CCP110: variants seen among roughly 807,000 people sequenced by gnomAD.
CCP110 encodes the protein centriolar coiled-coil protein 110.
CCP110 carries 43 observed loss-of-function variants against 105.5 expected under a neutral mutation model. The ratio of observed to expected loss-of-function variants is 0.41; its 90% CI spans 0.32 to 0.53. CCP110 has a LOEUF of 0.53. CCP110 is among the 20% of genes least tolerant of loss of function. The pLI is 0.32. For synonymous variants in CCP110, 353 were observed against 392.1 expected (o/e 0.90, Z 1.18); for missense variants, 1,016 against 1,189.1 (o/e 0.85, Z 2.14).
At chr16:19,546,599 C>G in intron 12 of CCP110, 125 bp downstream of exon 12, 1 of 571,612 alleles carries the variant, frequency 1.7e-6, no homozygotes. Flanking sequence ...GATGGATCAC[C>G]TGAGGTCGGG....
chr16:19,545,814 A>G lies in CCP110; in HGVS notation c.2704-3A>G. 1 of 1,573,720 alleles carries G rather than the reference A, an allele frequency of 6.4e-7. No homozygotes were observed. The highest frequency in any genetic ancestry group is 8.7e-7 in the Non-Finnish European group (1 of 1,144,676). On this transcript the variant is annotated splice_region_variant and splice_polypyrimidine_tract_variant and intron_variant, in intron 10 of 14. Coordinates refer to ENST00000381396, the Ensembl canonical transcript of CCP110. ...AGTTTGACGTTACTTTTGTATATTA[A>G]AGGATAAAATGAAAAGTCCACGAGT...
intron 6 of CCP110, 122 bp downstream of exon 6, chr16:19,542,186 G>A: frequency 1.5e-6 from 1 of 646,210 alleles, no homozygotes; most frequent in Non-Finnish European, 2.5e-6. Flanking sequence ...CTCTTTGCCA[G>A]CTGCTTAGTA....
exon 6 of CCP110, chr16:19,541,968 G>A (rs371262129): frequency 6.2e-7 from 1 of 1,611,940 alleles, no homozygotes; most frequent in African/African-American, 1.3e-5. Flanking sequence ...TAACAATGCA[G>A]TGGAATTAGA....
chr16:19,540,192 G>A (rs903913337), intron 4 of CCP110, among the ~76,000 whole-genome samples: 14 of 152,074 alleles, frequency 9.2e-5, no homozygotes, highest in African/African-American at 2.9e-4. Context: ...GAATTTTAAC[G>A]TCCAGTCCTT....
chr16:19,536,080 A>G (rs756733996), exon 4 of CCP110: 1 of 1,614,028 alleles, frequency 6.2e-7, no homozygotes, highest in African/African-American at 1.3e-5. Context: ...CTACTGCAGC[A>G]AAGCTTGATA....
chr16:19,544,731 A>G (rs1338351996), intron 8 of CCP110, 66 bp from the exon 9 acceptor site: 1 of 852,632 alleles, frequency 1.2e-6, no homozygotes, highest in Non-Finnish European at 1.9e-6. Context: ...AAAAAGAAAA[A>G]AGCAAACTCC....
intron 5 of CCP110, 150 bp from the exon 6 acceptor site, chr16:19,541,737 A>AAGG: frequency 6.7e-6 from 3 of 449,848 alleles, no homozygotes; most frequent in Non-Finnish European, 3.9e-6. Context: ...AAGGGAAGGG[A>AAGG]GAAGGAAGGA....
exon 4 of CCP110, chr16:19,537,200 A>G (rs138742987): frequency 6.2e-7 from 1 of 1,614,088 alleles, no homozygotes; most frequent in African/African-American, 1.3e-5. Flanking sequence ...ATATGCCAGC[A>G]GTCAGTGTAT....
chr16:19,537,573 G>A, exon 4 of CCP110: 3 of 1,563,158 alleles, frequency 1.9e-6, no homozygotes, highest in Non-Finnish European at 2.6e-6. Flanking sequence ...AAAATGTTAG[G>A]AACTAGTTCC....
At chr16:19,536,774 C>A (rs770561168) in exon 4 of CCP110, 25 of 1,613,972 alleles carry the variant, frequency 1.5e-5, no homozygotes, top group Non-Finnish European at 1.8e-5. Flanking sequence ...TAGTCCAGAG[C>A]CAAGTATGAG....
chr16:19,537,193 T>C (rs373594620), exon 4 of CCP110: 75 of 1,614,038 alleles, frequency 4.6e-5, no homozygotes, highest in Non-Finnish European at 6.2e-5. Flanking sequence ...ATGAACCATA[T>C]GCCAGCAGTC....
chr16:19,543,039 T>G (rs147203999), intron 8 of CCP110, 45 bp downstream of exon 8: 1 of 1,084,616 alleles, frequency 9.2e-7, no homozygotes, highest in East Asian at 2.4e-5. Context: ...TGTCTTAGTT[T>G]CTATCAGTCT....
chr16:19,532,400 TTATG>T lies in CCP110; in HGVS notation c.142-15_142-12del. The T allele has an allele frequency of 6.4e-7, 1 of 1,565,924 alleles. No homozygotes were observed. The highest frequency in any genetic ancestry group is 8.6e-7 in the Non-Finnish European group (1 of 1,161,126). On this transcript the variant is annotated splice_polypyrimidine_tract_variant and intron_variant, in intron 2 of 14. Coordinates refer to ENST00000381396, the Ensembl canonical transcript of CCP110. ...TTTATCGTGGGAAATAATTACATTT[TTATG>T]ATGTTTTGCAGCTTAACATTGAGAA...
At chr16:19,535,272 CCTAGTTCT>C (rs56965882) in intron 3 of CCP110, among the ~76,000 whole-genome samples, 23,283 of 152,070 alleles carry the variant, frequency 0.15, 1,829 homozygotes, top group Admixed American at 0.2. Context: ...TAGAAACTAT[CCTAGTTCT>C]CTTTTTATTC....
chr16:19,552,084 GTC>G (rs1321527710), exon 15 of CCP110: 2 of 152,108 alleles, frequency 1.3e-5, no homozygotes, highest in African/African-American at 4.8e-5. Flanking sequence ...GTTCTTCATA[GTC>G]TGTTTTTTCT....
chr16:19,548,406 C>T lies in CCP110; in HGVS notation c.2901-109C>T. 1.4e-6 allele frequency: 1 copy of T among 724,070 alleles called. No individual in the cohort carries two copies. The highest frequency in any genetic ancestry group is 2.3e-6 in the Non-Finnish European group (1 of 443,634). 44.9% of individuals were successfully genotyped at this position (724,070 alleles called of 1,614,324 possible). A position where few individuals can be genotyped will look rare whatever the true frequency, so the allele number is the denominator to read the frequency against. On this transcript the variant is annotated intron_variant, in intron 13 of 14. Coordinates refer to ENST00000381396, the Ensembl canonical transcript of CCP110. The surrounding 1 kb of genome is among the most constrained non-coding windows in gnomAD (Gnocchi z 4.1). ...GCATGCATGAGACTTCAGTTCTTTTCAAGCTTATTTGTGCTTTGGACAGTT... is the reference window on the plus strand; with the variant it reads ...GCATGCATGAGACTTCAGTTCTTTTTAAGCTTATTTGTGCTTTGGACAGTT...
chr16:19,542,519 G>T, intron 6 of CCP110, 102 bp from the exon 7 acceptor site: 1 of 832,766 alleles, frequency 1.2e-6, no homozygotes. Context: ...CATTTTTGGA[G>T]GCAGTTGTTA....
intron 4 of CCP110, among the ~76,000 whole-genome samples, chr16:19,539,646 C>T (rs1970208373): frequency 6.6e-6 from 1 of 150,720 alleles, no homozygotes; most frequent in Admixed American, 6.6e-5. Flanking sequence ...GAGCCACCAG[C>T]CCTGGCCCAT....
chr16:19,540,736 A>G (rs1159458539), exon 5 of CCP110: 1 of 1,613,784 alleles, frequency 6.2e-7, no homozygotes, highest in Non-Finnish European at 8.5e-7. Flanking sequence ...ACGCCCAGCA[A>G]TTATCACTAC....
Sources: allele counts gnomAD v4.1 joint callset (sites outside exome capture counted in the v4.1 genomes callset), GRCh38; gene constraint gnomAD v4.1.1; non-coding constraint Gnocchi (gnomAD v3.1); transcripts MANE v1.5; gene names NCBI Gene and HGNC (gene_info 2026-07-23, HGNC 2026-07-21).